Variants in KHDRBS2 observed in about 807,000 individuals in gnomAD.
KHDRBS2 encodes KH RNA binding domain containing, signal transduction associated 2, also known as KH domain-containing, RNA-binding, signal transduction-associated protein 2.
Under a neutral mutation model 44.3 loss-of-function variants are expected in KHDRBS2, and 26 were observed. The ratio of observed to expected loss-of-function variants is 0.59; its 90% CI spans 0.43 to 0.81. KHDRBS2 has a LOEUF of 0.81. KHDRBS2 is among the 40% of genes least tolerant of loss of function. The pLI is 0.00. For synonymous variants in KHDRBS2, 194 were observed against 151.1 expected (o/e 1.28, Z -2.08); for missense variants, 476 against 433.1 (o/e 1.10, Z -0.88).
intron 4 of KHDRBS2, among the ~76,000 whole-genome samples, chr6:61,962,822 C>A (rs1014690155): frequency 6.6e-6 from 1 of 151,972 alleles, no homozygotes; most frequent in Non-Finnish European, 1.5e-5. Flanking sequence ...AGATTTAGAA[C>A]CTTTGTTCCA....
downstream of KHDRBS2, among the ~76,000 whole-genome samples, chr6:61,677,679 A>G (rs1766021926): frequency 6.6e-6 from 1 of 151,858 alleles, no homozygotes; most frequent in Non-Finnish European, 1.5e-5. Flanking sequence ...TCAACACAGC[A>G]CTTAGTGACA....
At chr6:61,824,211 C>T (rs1434511697) in intron 6 of KHDRBS2, among the ~76,000 whole-genome samples, 1 of 152,076 alleles carries the variant, frequency 6.6e-6, no homozygotes, top group African/African-American at 2.4e-5. Context: ...ACCCAAATCT[C>T]ATGTCAAACT....
At chr6:62,245,464 T>C (rs1035407313) in intron 1 of KHDRBS2, among the ~76,000 whole-genome samples, 12 of 152,168 alleles carry the variant, frequency 7.9e-5, no homozygotes, top group African/African-American at 2.9e-4. Flanking sequence ...ATTTTCTTTC[T>C]GTTTCTACTT....
At chr6:61,953,368 G>A (rs1765174813) in intron 4 of KHDRBS2, among the ~76,000 whole-genome samples, 2 of 152,016 alleles carry the variant, frequency 1.3e-5, no homozygotes, top group South Asian at 4.2e-4. Context: ...ATAAGCACTA[G>A]AAAAATAAGG....
intron 8 of KHDRBS2, among the ~76,000 whole-genome samples, chr6:61,683,511 GAAC>G (rs1195041332): frequency 7.9e-5 from 12 of 151,720 alleles, no homozygotes; most frequent in Non-Finnish European, 4.4e-5. Context: ...ATGAACAAGG[GAAC>G]TATGCAGAAA....
intron 6 of KHDRBS2, among the ~76,000 whole-genome samples, chr6:61,892,971 C>T (rs1802230326): frequency 6.6e-6 from 1 of 152,030 alleles, no homozygotes; most frequent in Non-Finnish European, 1.5e-5. Flanking sequence ...AGGCAACTGA[C>T]AGAATGGGAG....
chr6:61,689,082 T>C (rs1349217442), intron 8 of KHDRBS2, among the ~76,000 whole-genome samples: 2 of 151,876 alleles, frequency 1.3e-5, no homozygotes, highest in African/African-American at 4.8e-5. Context: ...AATGAAACCA[T>C]AATAAAATGT....
chr6:62,195,250 T>C (rs961057936), intron 1 of KHDRBS2, among the ~76,000 whole-genome samples: 2 of 152,204 alleles, frequency 1.3e-5, no homozygotes, highest in Non-Finnish European at 2.9e-5. Context: ...AAAAACAATT[T>C]ATTTTTGTAT....
At chr6:61,807,844 A>G (rs1426289922) in intron 6 of KHDRBS2, among the ~76,000 whole-genome samples, 5 of 152,108 alleles carry the variant, frequency 3.3e-5, no homozygotes, top group African/African-American at 1.2e-4. Flanking sequence ...AATAATAATA[A>G]TAAAGAAATC....
the KHDRBS2 span, among the ~76,000 whole-genome samples, chr6:61,667,266 G>A: frequency 6.7e-6 from 1 of 150,142 alleles, no homozygotes; most frequent in African/African-American, 2.4e-5. Flanking sequence ...TCTTGTAATA[G>A]TAGATCCTAA....
chr6:62,126,910 C>G (rs1196117312), intron 2 of KHDRBS2, among the ~76,000 whole-genome samples: 5 of 152,166 alleles, frequency 3.3e-5, no homozygotes, highest in African/African-American at 1.2e-4. Flanking sequence ...GGCTGATCAA[C>G]AATGAAACAT....
At chr6:61,894,975 A>G (rs1583383878) in intron 5 of KHDRBS2, 142 bp from the exon 6 acceptor site, 2 of 585,740 alleles carry the variant, frequency 3.4e-6, no homozygotes, top group South Asian at 2.3e-5. Context: ...GTGTGTGTGT[A>G]TGCATTTAAT....
chr6:61,916,822 G>A (rs1807088432), intron 4 of KHDRBS2, among the ~76,000 whole-genome samples: 4 of 151,960 alleles, frequency 2.6e-5, no homozygotes, highest in South Asian at 4.1e-4. Context: ...GTAAGTGTAT[G>A]AAAAGATGCT....
intron 2 of KHDRBS2, among the ~76,000 whole-genome samples, chr6:62,079,698 G>C (rs1300382220): frequency 1.3e-5 from 2 of 151,982 alleles, no homozygotes; most frequent in Non-Finnish European, 2.9e-5. Flanking sequence ...CTCACAAACA[G>C]AGTGATATCT....
At chr6:62,257,869 C>G (rs912478194) in intron 1 of KHDRBS2, among the ~76,000 whole-genome samples, 4 of 151,908 alleles carry the variant, frequency 2.6e-5, no homozygotes, top group Non-Finnish European at 4.4e-5. Flanking sequence ...TGGTCTTTAC[C>G]CAATTACAGA....
At chr6:61,811,716 C>T (rs1788149171) in intron 6 of KHDRBS2, among the ~76,000 whole-genome samples, 1 of 151,986 alleles carries the variant, frequency 6.6e-6, no homozygotes, top group Non-Finnish European at 1.5e-5. Context: ...TTCCTCTCTT[C>T]TTGATTTTTT....
At chr6:62,170,255 T>G (rs1193642907) in intron 2 of KHDRBS2, among the ~76,000 whole-genome samples, 2 of 151,924 alleles carry the variant, frequency 1.3e-5, no homozygotes, top group Non-Finnish European at 2.9e-5. Context: ...ACACCTGTGT[T>G]CACAGGCTGG....
intron 7 of KHDRBS2, among the ~76,000 whole-genome samples, chr6:61,706,191 C>A (rs1384763687): frequency 6.6e-6 from 1 of 151,830 alleles, no homozygotes; most frequent in Non-Finnish European, 1.5e-5. Context: ...CTCTCCCTTT[C>A]ACTACGCTTT....
At chr6:62,283,859 C>G (rs909716525) in intron 1 of KHDRBS2, among the ~76,000 whole-genome samples, 1 of 152,090 alleles carries the variant, frequency 6.6e-6, no homozygotes, top group African/African-American at 2.4e-5. Flanking sequence ...TTGCATAACT[C>G]TTTAGGTACT....
Sources: gnomAD v4.1 joint callset for allele counts (sites outside exome capture counted in the v4.1 genomes callset) on GRCh38, gnomAD v4.1.1 for gene constraint, MANE v1.5 for transcripts, NCBI Gene and HGNC (gene_info 2026-07-23, HGNC 2026-07-21) for gene names.